Variants in UBE2N observed in about 807,000 individuals in gnomAD.
UBE2N encodes ubiquitin-conjugating enzyme E2 N.
For synonymous variants in UBE2N, 70 were observed against 69.2 expected (o/e 1.01, Z -0.06); for missense variants, 60 against 192.1 (o/e 0.31, Z 4.07).
chr12:93,441,328 C>T (rs1879100625), intron 1 of UBE2N: 1 of 152,620 alleles, frequency 6.6e-6, no homozygotes, highest in African/African-American at 2.4e-5. Context: ...CTTCCCGGGG[C>T]GCAGGGCCCC....
intron 1 of UBE2N, among the ~76,000 whole-genome samples, chr12:93,440,212 C>T (rs1017966188): frequency 1.3e-5 from 2 of 152,170 alleles, no homozygotes; most frequent in African/African-American, 4.8e-5. Flanking sequence ...GGCTCTATCA[C>T]TCCCTATTCA....
intron 1 of UBE2N, among the ~76,000 whole-genome samples, chr12:93,417,077 A>C (rs1393557936): frequency 6.6e-6 from 1 of 152,176 alleles, no homozygotes; most frequent in South Asian, 2.1e-4. Flanking sequence ...TATGTTCAGG[A>C]AGTTAGTTAC....
At chr12:93,437,612 C>A (rs143312846) in intron 1 of UBE2N, among the ~76,000 whole-genome samples, 2 of 152,244 alleles carry the variant, frequency 1.3e-5, no homozygotes, top group African/African-American at 4.8e-5. Flanking sequence ...GCATGGCCAA[C>A]ATGGTGAAAC....
intron 1 of UBE2N, among the ~76,000 whole-genome samples, chr12:93,433,453 G>T (rs141592739): frequency 5.2e-4 from 79 of 152,272 alleles, no homozygotes; most frequent in African/African-American, 1.9e-3. Context: ...GAAGTTAAAA[G>T]ATTCCCTATT....
At chr12:93,417,611 A>G (rs1878261195) in intron 1 of UBE2N, among the ~76,000 whole-genome samples, 1 of 152,226 alleles carries the variant, frequency 6.6e-6, no homozygotes, top group African/African-American at 2.4e-5. Flanking sequence ...CAAAATTGCA[A>G]TATATGACCA....
chr12:93,406,303 A>AAAAAAAAAAAAAAAAAAAAAAAAAC lies in UBE2N; in HGVS notation c.*3735_*3736insGTTTTTTTTTTTTTTTTTTTTTTTT, dbSNP rs1877813503. 6.8e-6 allele frequency: 1 copy of AAAAAAAAAAAAAAAAAAAAAAAAAC among 146,232 alleles called. No individual in the cohort carries two copies. The highest frequency in any genetic ancestry group is 1.5e-5 in the Non-Finnish European group (1 of 66,782). The allele number at this position is 146,232 out of a possible 1,614,324, so 9.1% of individuals were successfully genotyped here. On this transcript the variant is annotated 3_prime_UTR_variant, in exon 4 of 4. Coordinates refer to ENST00000318066, the MANE Select transcript of UBE2N (RefSeq NM_003348.4). The stretch of plus-strand genomic sequence containing the variant: ...AAAAAAAAAAAAAAAAAAAAAAAAA[A>AAAAAAAAAAAAAAAAAAAAAAAAAC]AAGGTTCCTGAACCATTCAACAGAA...
At chr12:93,440,371 G>A (rs1879063566) in intron 1 of UBE2N, among the ~76,000 whole-genome samples, 2 of 151,958 alleles carry the variant, frequency 1.3e-5, no homozygotes, top group South Asian at 2.1e-4. Flanking sequence ...AACAAATTTC[G>A]GACTATGAAG....
At chr12:93,416,451 CTTTT>C (rs35555714) in intron 1 of UBE2N, among the ~76,000 whole-genome samples, 2 of 144,724 alleles carry the variant, frequency 1.4e-5, no homozygotes, top group African/African-American at 2.5e-5. Flanking sequence ...ACTTATCTAT[CTTTT>C]TTTTTTTTTT....
At chr12:93,415,976 A>G (rs1878194907) in intron 1 of UBE2N, among the ~76,000 whole-genome samples, 1 of 152,238 alleles carries the variant, frequency 6.6e-6, no homozygotes, top group African/African-American at 2.4e-5. Flanking sequence ...AAGAATGTAC[A>G]TATTAAGCAC....
rs73216891 is a variant in UBE2N, at chr12:93,407,500, G to C, written c.*2539C>G. 1 of 152,214 alleles carries C rather than the reference G, an allele frequency of 6.6e-6. No individual in the cohort carries two copies. Among genetic ancestry groups the C allele is most frequent in the East Asian group, 1.9e-4 (1 of 5,204 alleles). 9.4% of individuals were successfully genotyped at this position (152,214 alleles called of 1,614,324 possible). On this transcript the variant is annotated 3_prime_UTR_variant, in exon 4 of 4. Transcript: ENST00000318066. The stretch of plus-strand genomic sequence containing the variant: ...GGGGGAAGGACTAGCAGGTGTGCTC[G>C]GAGGGGACTCTAGCCAACTGGAGAG...
intron 1 of UBE2N, among the ~76,000 whole-genome samples, chr12:93,425,823 C>T (rs551064619): frequency 4.5e-4 from 68 of 152,320 alleles, no homozygotes; most frequent in Non-Finnish European, 7.9e-4. Flanking sequence ...GGACCAATTA[C>T]GAAGCACCAG....
chr12:93,410,375 CTT>C, intron 3 of UBE2N: 1 of 491,300 alleles, frequency 2.0e-6, no homozygotes, highest in African/African-American at 2.0e-5. Flanking sequence ...GCAGAAGCTT[CTT>C]GACTCCAAAT....
intron 1 of UBE2N, among the ~76,000 whole-genome samples, chr12:93,439,743 T>C (rs914923959): frequency 2.0e-5 from 3 of 152,224 alleles, no homozygotes; most frequent in African/African-American, 7.2e-5. Flanking sequence ...TCTTTTAGTC[T>C]TCTGTTTAAG....
intron 1 of UBE2N, among the ~76,000 whole-genome samples, chr12:93,430,874 G>A (rs931654035): frequency 1.4e-4 from 21 of 149,738 alleles, no homozygotes; most frequent in Non-Finnish European, 4.4e-5. Context: ...AGCTACTCGG[G>A]ATGCTGAGGC....
At chr12:93,415,000 C>G (rs1305279893) in intron 1 of UBE2N, among the ~76,000 whole-genome samples, 1 of 152,118 alleles carries the variant, frequency 6.6e-6, no homozygotes, top group Non-Finnish European at 1.5e-5. Context: ...AATAAACGAT[C>G]AGAATTTCAT....
chr12:93,416,211 G>A (rs1025128216), intron 1 of UBE2N, among the ~76,000 whole-genome samples: 7 of 152,096 alleles, frequency 4.6e-5, no homozygotes, highest in African/African-American at 1.7e-4. Flanking sequence ...CAAACTAAAT[G>A]AAACAAGTCT....
Position 93,405,789 on chromosome 12 carries a change from T to C in UBE2N, c.*4250A>G, listed in dbSNP as rs1877777634. The C allele has an allele frequency of 1.3e-5, 2 of 152,176 alleles. No homozygotes were observed. Among genetic ancestry groups the C allele is most frequent in the Admixed American group, 1.3e-4 (2 of 15,282 alleles). The allele number at this position is 152,176 out of a possible 1,614,324, so 9.4% of individuals were successfully genotyped here. On this transcript the variant is annotated 3_prime_UTR_variant, in exon 4 of 4. Coordinates refer to ENST00000318066, the MANE Select transcript of UBE2N (RefSeq NM_003348.4). ...TTTAAAGTATAAACCCTCATATAAT[T>C]CCCTAAGATGGGTGGCATGCCAAGT...
chr12:93,434,890 GTATT>G (rs141035353), intron 1 of UBE2N, among the ~76,000 whole-genome samples: 83 of 151,312 alleles, frequency 5.5e-4, no homozygotes, highest in East Asian at 4.2e-3. Flanking sequence ...TAATGAGTTT[GTATT>G]TATTTATTTA....
At chr12:93,430,022 T>G (rs1255002225) in intron 1 of UBE2N, among the ~76,000 whole-genome samples, 1 of 152,228 alleles carries the variant, frequency 6.6e-6, no homozygotes, top group East Asian at 1.9e-4. Context: ...TAGTGTACAG[T>G]AATGTCCTAG....
Sources: gnomAD v4.1 joint callset for allele counts (sites outside exome capture counted in the v4.1 genomes callset) on GRCh38, gnomAD v4.1.1 for gene constraint, MANE v1.5 for transcripts, NCBI Gene and HGNC (gene_info 2026-07-23, HGNC 2026-07-21) for gene names.